PSIP1: variants seen among roughly 807,000 people sequenced by gnomAD.
The protein encoded by PSIP1 is PC4 and SFRS1-interacting protein.
A neutral mutation model predicts 74.7 loss-of-function variants in PSIP1; 19 were observed. That is an observed-to-expected ratio of 0.25 (90% CI 0.18 to 0.37). The LOEUF (loss-of-function observed/expected upper bound fraction) is 0.37. Ranked by LOEUF, PSIP1 falls within the 10% of genes least tolerant of loss-of-function variation. The probability of loss-of-function intolerance (pLI) is 1.00; values close to 1 mark genes in which losing one functional copy is unlikely to be tolerated. For synonymous variants in PSIP1, 222 were observed against 195.3 expected (o/e 1.14, Z -1.14); for missense variants, 601 against 614.3 (o/e 0.98, Z 0.23).
chr9:15,471,739 C>CT (rs1208489942), intron 10 of PSIP1: 5 of 963,636 alleles, frequency 5.2e-6, no homozygotes, highest in Non-Finnish European at 6.2e-6. Flanking sequence ...TCAAGAAAGA[C>CT]TTTGGCTTAC....
chr9:15,478,814 T>C (rs968040241), intron 7 of PSIP1, among the ~76,000 whole-genome samples: 14 of 152,102 alleles, frequency 9.2e-5, no homozygotes, highest in African/African-American at 3.4e-4. Context: ...TTTTTCACTA[T>C]CGTTTTAACA....
chr9:15,476,362 G>C (rs530328937), intron 8 of PSIP1, among the ~76,000 whole-genome samples: 1 of 152,252 alleles, frequency 6.6e-6, no homozygotes, highest in South Asian at 2.1e-4. Flanking sequence ...AAAACTGTTG[G>C]ACCGCAGCAG....
chr9:15,473,899 TCAAA>T lies in PSIP1; in HGVS notation c.858+106_858+109del, dbSNP rs2035950388. On this transcript the variant is annotated intron_variant, in intron 9 of 15. Coordinates refer to ENST00000380733, the MANE Select transcript of PSIP1 (RefSeq NM_033222.5). ...CTAAGCAACACAGCGAGACTCCATC[TCAAA>T]CAAAAAAAAAACAAAAAAAAAAACA... 1.5e-5 allele frequency: 12 copies of T among 814,072 alleles called. No homozygotes were observed. In the South Asian group the frequency reaches 2.5e-4, roughly 17 times the overall value. The allele number at this position is 814,072 out of a possible 1,614,324, so 50.4% of individuals were successfully genotyped here. A position where few individuals can be genotyped will look rare whatever the true frequency, so the allele number is the denominator to read the frequency against.
chr9:15,469,846 AATT>A, intron 11 of PSIP1, 89 bp downstream of exon 11: 4 of 1,107,610 alleles, frequency 3.6e-6, no homozygotes, highest in Non-Finnish European at 4.0e-6. Flanking sequence ...ATGAGTATAA[AATT>A]ATTCCAAAAC....
intron 4 of PSIP1, chr9:15,489,385 A>T (rs2036718360): frequency 6.6e-6 from 1 of 152,136 alleles, no homozygotes; most frequent in African/African-American, 2.4e-5. Context: ...AGGTGGGTGG[A>T]TCACCTGAAG....
chr9:15,469,904 A>G, intron 11 of PSIP1, 34 bp downstream of exon 11: 4 of 1,555,832 alleles, frequency 2.6e-6, no homozygotes, highest in Non-Finnish European at 3.5e-6. Flanking sequence ...TTCCATGTAT[A>G]ATTTTATGTA....
At chr9:15,470,644 T>A (rs2035783532) in intron 10 of PSIP1, 3 of 944,540 alleles carry the variant, frequency 3.2e-6, no homozygotes, top group African/African-American at 1.8e-5. Flanking sequence ...GGTTTTTTTT[T>A]TAAAAAAAAC....
chr9:15,466,371 T>A (rs866432183), intron 15 of PSIP1, among the ~76,000 whole-genome samples: 8 of 151,406 alleles, frequency 5.3e-5, no homozygotes, highest in Admixed American at 2.0e-4. Context: ...AGAGTGAAAC[T>A]CTGTCTCAAA....
At chr9:15,506,091 C>G (rs891342935) in intron 3 of PSIP1, 1 of 152,694 alleles carries the variant, frequency 6.5e-6, no homozygotes, top group African/African-American at 2.4e-5. Context: ...GTTCTCTGCC[C>G]ACATACCCAC....
In PSIP1 at chr9:15,501,866, T is replaced by TATATATATATATATATAA. The variant is rs1491160431; in HGVS notation, c.149+4694_149+4695insTTATATATATATATATAT. Among the ~76,000 whole-genome samples the TATATATATATATATATAA allele has an allele frequency of 5.5e-4, 74 of 135,652 alleles. 1 individual carries two copies. The highest frequency in any genetic ancestry group is 2.5e-3 in the East Asian group (11 of 4,348). 89.0% of individuals were successfully genotyped at this position (135,652 alleles called of 152,430 possible). A position where few individuals can be genotyped will look rare whatever the true frequency, so the allele number is the denominator to read the frequency against. Reference sequence around the variant, plus strand: ...ATATATATATATATATATATATATATAAAACGCACACCCTCCCATATACTT... The same window carrying TATATATATATATATATAA: ...ATATATATATATATATATATATATATATATATATATATATATAAAAAACGCACACCCTCCCATATACTT... On this transcript the variant is annotated intron_variant, in intron 3 of 15. Transcript: ENST00000380733.
chr9:15,470,096 A>G (rs1282927695), intron 10 of PSIP1, 103 bp from the exon 11 acceptor site: 6 of 888,290 alleles, frequency 6.8e-6, no homozygotes, highest in African/African-American at 3.3e-5. Flanking sequence ...AAATAAGTCA[A>G]TAGCCTAGAC....
At chr9:15,478,995 T>C (rs1018020807) in intron 7 of PSIP1, among the ~76,000 whole-genome samples, 4 of 152,042 alleles carry the variant, frequency 2.6e-5, no homozygotes, top group Non-Finnish European at 5.9e-5. Flanking sequence ...CTCCAAAATA[T>C]ATAAATAAAA....
chr9:15,509,955 C>T (rs572890344), intron 2 of PSIP1, among the ~76,000 whole-genome samples, 162 bp downstream of exon 2: 4 of 152,158 alleles, frequency 2.6e-5, no homozygotes, highest in Admixed American at 6.5e-5. Flanking sequence ...CATAATTACA[C>T]GGGAGATTAT....
At chr9:15,469,201 G>A (rs534203736) in intron 12 of PSIP1, 65 bp downstream of exon 12, 1 of 1,327,768 alleles carries the variant, frequency 7.5e-7, no homozygotes, top group Non-Finnish European at 1.1e-6. Flanking sequence ...ATAAGATCAT[G>A]TGAGAAAATA....
chr9:15,510,783 G>C (rs1042131260), intron 1 of PSIP1, 34 bp downstream of exon 1: 5 of 151,966 alleles, frequency 3.3e-5, no homozygotes, highest in Non-Finnish European at 4.4e-5. Context: ...CGCCACCGAG[G>C]GGGGGGCGGG....
rs540624289 is a variant in PSIP1, at chr9:15,492,492, C to T, written c.150-2368G>A. Among the ~76,000 whole-genome samples the T allele has an allele frequency of 6.6e-5, 10 of 152,276 alleles. No individual in the cohort carries two copies. In the East Asian group the frequency reaches 1.2e-3, roughly 18 times the overall value. ...CTATGGTTTTGCATGGTACACAACC[C>T]GCCTCAGGCTGGTGTTGAATGTCTG... On this transcript the variant is annotated intron_variant, in intron 3 of 15. Coordinates refer to ENST00000380733, the MANE Select transcript of PSIP1 (RefSeq NM_033222.5).
At chr9:15,473,760 T>C (rs894781889) in intron 9 of PSIP1, among the ~76,000 whole-genome samples, 8 of 151,538 alleles carry the variant, frequency 5.3e-5, no homozygotes, top group Non-Finnish European at 1.5e-5. Flanking sequence ...AATTAGCCGG[T>C]AGTGGTGGCA....
chr9:15,465,693 C>A, intron 15 of PSIP1, 113 bp from the exon 16 acceptor site: 1 of 822,838 alleles, frequency 1.2e-6, no homozygotes, highest in Non-Finnish European at 1.9e-6. Flanking sequence ...TGAAACCAAC[C>A]AAACAAAAGA....
intron 2 of PSIP1, among the ~76,000 whole-genome samples, chr9:15,508,673 T>C (rs2037710998): frequency 2.6e-5 from 4 of 152,160 alleles, no homozygotes; most frequent in African/African-American, 9.7e-5. Context: ...AAAAAGTATA[T>C]CAGAGGGGCC....
Sources: allele counts gnomAD v4.1 joint callset (sites outside exome capture counted in the v4.1 genomes callset), GRCh38; gene constraint gnomAD v4.1.1; transcripts MANE v1.5; gene names NCBI Gene and HGNC (gene_info 2026-07-23, HGNC 2026-07-21).